The following UNC13A variants were observed in gnomAD, a reference collection of about 807,000 sequenced individuals.
UNC13A encodes the protein unc-13 homolog A, also known as protein unc-13 homolog A.
A neutral mutation model predicts 219.7 loss-of-function variants in UNC13A; 61 were observed. The ratio of observed to expected loss-of-function variants is 0.28; its 90% CI spans 0.23 to 0.34. The LOEUF (loss-of-function observed/expected upper bound fraction) is 0.34. Among genes scored for constraint, UNC13A ranks in the 10% least tolerant of loss-of-function variants. The probability of loss-of-function intolerance (pLI) is 1.00; values close to 1 mark genes in which losing one functional copy is unlikely to be tolerated. For missense variants in UNC13A, 1,476 were observed against 2,270.3 expected (o/e 0.65, Z 7.11); for synonymous variants, 920 against 884.6 (o/e 1.04, Z -0.71).
At chr19:17,639,777 C>A in intron 23 of UNC13A, 63 bp downstream of exon 23, 1 of 1,584,512 alleles carries the variant, frequency 6.3e-7, no homozygotes, top group Non-Finnish European at 8.7e-7. Flanking sequence ...CTGCTGGTAG[C>A]TTTCCCCTCC....
chr19:17,647,466 C>T lies in UNC13A; in HGVS notation c.1843G>A (p.Gly615Arg). Reference protein sequence around the residue: ...QRAAEKSSKHGAEDRTQNIIM... With the variant: ...QRAAEKSSKHRAEDRTQNIIM... Reference sequence around the variant, plus strand: ...ATGTTCTGTGTCCGGTCCTCCGCCCCGTGCTTGGAGCTCTTCTCCGCAGCC... The same window carrying T: ...ATGTTCTGTGTCCGGTCCTCCGCCCTGTGCTTGGAGCTCTTCTCCGCAGCC... Residue 615 changes from glycine to arginine, a missense_variant, in exon 17 of 44, where the codon GGG becomes AGG. This residue lies in a region of UNC13A where 85 missense variants were observed against 211.5 expected (regional missense o/e 0.40). Coordinates refer to ENST00000519716, the MANE Select transcript of UNC13A (RefSeq NM_001080421.3). 2 of 1,613,172 alleles carry T rather than the reference C, an allele frequency of 1.2e-6. No homozygotes were observed. The highest frequency in any genetic ancestry group is 1.7e-6 in the Non-Finnish European group (2 of 1,179,744).
chr19:17,611,858 G>C lies in UNC13A; in HGVS notation c.4559-3C>G. Reference sequence around the variant, plus strand: ...CACAGGGTCTTCTACACCCAAGCCTGGGCAGGGCAGGGGAGGATGGTCAGC... The same window carrying C: ...CACAGGGTCTTCTACACCCAAGCCTCGGCAGGGCAGGGGAGGATGGTCAGC... On this transcript the variant is annotated splice_polypyrimidine_tract_variant and splice_region_variant and intron_variant, in intron 41 of 43. Coordinates refer to ENST00000519716, the MANE Select transcript of UNC13A (RefSeq NM_001080421.3). The C allele has an allele frequency of 6.2e-7, 1 of 1,613,540 alleles. No individual in the cohort carries two copies. Among genetic ancestry groups the C allele is most frequent in the Non-Finnish European group, 8.5e-7 (1 of 1,179,522 alleles).
At chr19:17,676,209 AAGAT>A (rs778977144) in intron 1 of UNC13A, 168 bp from the exon 2 acceptor site, 8 of 771,698 alleles carry the variant, frequency 1.0e-5, no homozygotes, top group African/African-American at 6.8e-5. Context: ...TTAAAAAAGA[AAGAT>A]AGAAGCAATG....
intron 1 of UNC13A, among the ~76,000 whole-genome samples, chr19:17,679,489 G>A (rs925196833): frequency 1.3e-5 from 2 of 151,574 alleles, no homozygotes; most frequent in African/African-American, 4.9e-5. Context: ...AGACACTGGG[G>A]AGAGGAGAGG....
rs73528009 is a variant in UNC13A at position 17,654,193 on chromosome 19, T to C, written c.1392+1081A>G. ...TGATTGCCTTGGATTAGTTTTATGC[T>C]TTTCCTATGAAACCCAGAGAGCCTT... On this transcript the variant is annotated intron_variant, in intron 11 of 43. Transcript: ENST00000519716. Among the ~76,000 whole-genome samples, 182 of 152,332 alleles carry C rather than the reference T, an allele frequency of 1.2e-3. 1 individual carries two copies. Among genetic ancestry groups the C allele is most frequent in the African/African-American group, 3.9e-3 (161 of 41,580 alleles).
chr19:17,616,535 AG>A (rs2076666369), intron 41 of UNC13A: 1 of 621,974 alleles, frequency 1.6e-6, no homozygotes, highest in South Asian at 1.6e-5. Context: ...CGAGCCAGTG[AG>A]AGGTGAGGAT....
At position 17,627,164 on chromosome 19, in the gene UNC13A, CAA is replaced by C. The variant is rs141561041; in HGVS notation, c.3920+343_3920+344del. ...CTGGTGACAGAACGAGACTTCGTCTCAAAAAAAAAAAAAGAGTGGAAAATAGT... is the reference window on the plus strand; with the variant it reads ...CTGGTGACAGAACGAGACTTCGTCTCAAAAAAAAAAAGAGTGGAAAATAGT... On this transcript the variant is annotated intron_variant, in intron 33 of 43. Transcript: ENST00000519716. The surrounding 1 kb of genome is among the most constrained non-coding windows in gnomAD (Gnocchi z 4.7). Among the ~76,000 whole-genome samples the C allele has an allele frequency of 1.8e-4, 24 of 133,008 alleles. No individual in the cohort carries two copies. Among genetic ancestry groups the C allele is most frequent in the Admixed American group, 6.9e-4 (9 of 13,122 alleles). The allele number at this position is 133,008 out of a possible 152,430, so 87.3% of individuals were successfully genotyped here. A position where few individuals can be genotyped will look rare whatever the true frequency, so the allele number is the denominator to read the frequency against.
rs951221761 is a variant in UNC13A at position 17,605,420 on chromosome 19, C to T, written c.*634G>A. On this transcript the variant is annotated 3_prime_UTR_variant, in exon 44 of 44. Transcript: ENST00000519716. ...GGGAACCAGAGCCGTCCCCTCGGCC[C>T]CCAGGGTTTGGGCGCCCAAGGGCGC... 1 of 152,680 alleles carries T rather than the reference C, an allele frequency of 6.5e-6. No individual in the cohort carries two copies. The highest frequency in any genetic ancestry group is 6.5e-5 in the Admixed American group (1 of 15,288). 9.5% of individuals were successfully genotyped at this position (152,680 alleles called of 1,614,324 possible).
intron 7 of UNC13A, among the ~76,000 whole-genome samples, chr19:17,665,681 C>T (rs7246869): frequency 0.24 from 37,120 of 151,868 alleles, 5,247 homozygotes; most frequent in African/African-American, 0.39. Flanking sequence ...TACGTGCGCC[C>T]ATTGTACATG....
At chr19:17,647,243 A>C in intron 17 of UNC13A, 22 bp downstream of exon 17, 1 of 1,547,024 alleles carries the variant, frequency 6.5e-7, no homozygotes. Flanking sequence ...GAGGGGCCCT[A>C]TGGCGGCCCA....
chr19:17,620,366 T>C (rs1441601430), intron 38 of UNC13A, among the ~76,000 whole-genome samples: 1 of 152,142 alleles, frequency 6.6e-6, no homozygotes, highest in Admixed American at 6.5e-5. Context: ...TGGCTGTTAC[T>C]ATTCTTATTT....
chr19:17,671,818 T>G (rs1157455424), intron 4 of UNC13A, among the ~76,000 whole-genome samples: 1 of 152,126 alleles, frequency 6.6e-6, no homozygotes, highest in Non-Finnish European at 1.5e-5. Flanking sequence ...TACTACCTGC[T>G]GACAATGATG....
chr19:17,670,905 C>T (rs868372902), intron 4 of UNC13A, among the ~76,000 whole-genome samples: 1 of 89,916 alleles, frequency 1.1e-5, no homozygotes, highest in African/African-American at 4.6e-5. Context: ...CTCCATCTCA[C>T]AGTAAAATAA....
chr19:17,605,828 C>G lies in UNC13A; in HGVS notation c.*226G>C. 2.1e-6 allele frequency: 1 copy of G among 466,462 alleles called. No homozygotes were observed. The highest frequency in any genetic ancestry group is 3.8e-5 in the East Asian group (1 of 26,578). 28.9% of individuals were successfully genotyped at this position (466,462 alleles called of 1,614,324 possible). On this transcript the variant is annotated 3_prime_UTR_variant, in exon 44 of 44. Transcript: ENST00000519716. Reference sequence around the variant, plus strand: ...GTGGCCTCAAGTTGGGGATGTGGCTCCTTCCTTCGTCGCGCCCTTGGGCGT... The same window carrying G: ...GTGGCCTCAAGTTGGGGATGTGGCTGCTTCCTTCGTCGCGCCCTTGGGCGT...
chr19:17,634,230 A>G (rs1156996612), intron 26 of UNC13A, among the ~76,000 whole-genome samples: 1 of 151,842 alleles, frequency 6.6e-6, no homozygotes, highest in East Asian at 1.9e-4. Context: ...TGACCCATCT[A>G]TCTATTCATC....
intron 4 of UNC13A, among the ~76,000 whole-genome samples, chr19:17,672,031 C>A (rs112280471): frequency 2.6e-5 from 4 of 152,264 alleles, no homozygotes; most frequent in African/African-American, 9.6e-5. Context: ...TCCCAGAATC[C>A]CTTGCAGCAA....
At chr19:17,683,265 T>C (rs908015875) in intron 1 of UNC13A, among the ~76,000 whole-genome samples, 17 of 152,132 alleles carry the variant, frequency 1.1e-4, no homozygotes, top group Non-Finnish European at 1.2e-4. Context: ...AGCCTCAGTT[T>C]TCCTCATCTG....
intron 26 of UNC13A, among the ~76,000 whole-genome samples, chr19:17,634,215 T>C (rs2076888380): frequency 6.6e-6 from 1 of 151,664 alleles, no homozygotes; most frequent in African/African-American, 2.4e-5. Context: ...CACCCACCCA[T>C]TAAATGACCC....
Position 17,615,403 on chromosome 19 carries a change from G to A in UNC13A, c.4558+2299C>T, listed in dbSNP as rs561671156. On this transcript the variant is annotated intron_variant, in intron 41 of 43. Coordinates refer to ENST00000519716, the MANE Select transcript of UNC13A (RefSeq NM_001080421.3). Reference sequence around the variant, plus strand: ...ATTAAAAACAAAATGGCCAGGCGCTGGGATTACACCTGTCATCCTAGCACT... The same window carrying A: ...ATTAAAAACAAAATGGCCAGGCGCTAGGATTACACCTGTCATCCTAGCACT... 5.3e-5 allele frequency among the ~76,000 whole-genome samples: 8 copies of A among 151,944 alleles called. No homozygotes were observed. The South Asian group carries it at 1.7e-3, about 32-fold the overall frequency.
Sources: allele counts gnomAD v4.1 joint callset (sites outside exome capture counted in the v4.1 genomes callset), GRCh38; gene constraint gnomAD v4.1.1; regional missense constraint gnomAD v4.1.1; non-coding constraint Gnocchi (gnomAD v3.1); transcripts MANE v1.5; gene names NCBI Gene and HGNC (gene_info 2026-07-23, HGNC 2026-07-21).